GALNTL6: variants seen among roughly 807,000 people sequenced by gnomAD.
GALNTL6 encodes the protein polypeptide N-acetylgalactosaminyltransferase-like 6.
GALNTL6 carries 46 observed loss-of-function variants against 73.7 expected under a neutral mutation model. The observed-to-expected ratio is 0.62, with a 90% CI of 0.49 to 0.80. The LOEUF (loss-of-function observed/expected upper bound fraction) is 0.80. GALNTL6 is among the 30% of genes least tolerant of loss of function. The pLI is 0.00. For synonymous variants in GALNTL6, 259 were observed against 263.7 expected, an observed-to-expected ratio of 0.98 and a Z score of 0.17; for missense variants, 604 against 755.0, an observed-to-expected ratio of 0.80 and a Z score of 2.34.
In GALNTL6 at chr4:172,230,579, C is replaced by CA. The variant is rs34311240; in HGVS notation, c.247+827dup. ...CGGGCGATAGAGTGAGACTCCGTTT[C>CA]AAAAAAAAAAAAGACAAAAAAGAAT... is the stretch of plus-strand genomic sequence containing the variant. On this transcript the variant is annotated intron_variant, in intron 3 of 12. Transcript: ENST00000506823. Among the ~76,000 whole-genome samples the CA allele has an allele frequency of 2.1e-3, 281 of 131,500 alleles. 1 individual carries two copies. Among genetic ancestry groups the CA allele is most frequent in the South Asian group, 5.8e-3 (24 of 4,116 alleles). The allele number at this position is 131,500 out of a possible 152,430, so 86.3% of individuals were successfully genotyped here.
chr4:172,356,894 C>T (rs1383741042), intron 5 of GALNTL6, among the ~76,000 whole-genome samples: 11 of 152,138 alleles, frequency 7.2e-5, no homozygotes, highest in Admixed American at 7.2e-4. Flanking sequence ...ATGTTTTATT[C>T]TGAGAAACTG....
chr4:172,324,493 A>C (rs1740877464), intron 4 of GALNTL6, among the ~76,000 whole-genome samples: 1 of 151,602 alleles, frequency 6.6e-6, no homozygotes, highest in Admixed American at 6.6e-5. Flanking sequence ...AAAATTTAAT[A>C]GTTCTCTTAG....
chr4:172,537,845 C>G (rs529593579), intron 5 of GALNTL6, among the ~76,000 whole-genome samples: 1 of 152,110 alleles, frequency 6.6e-6, no homozygotes, highest in Admixed American at 6.6e-5. Flanking sequence ...GACAACTACT[C>G]AGAAGTAATC....
At chr4:172,616,577 G>A (rs1157446284) in intron 5 of GALNTL6, among the ~76,000 whole-genome samples, 4 of 76,988 alleles carry the variant, frequency 5.2e-5, no homozygotes, top group Non-Finnish European at 7.6e-5. Context: ...TGTTGTTCTT[G>A]GGATTATATT....
At chr4:172,232,734 G>C (rs965240347) in intron 3 of GALNTL6, among the ~76,000 whole-genome samples, 1 of 152,010 alleles carries the variant, frequency 6.6e-6, no homozygotes, top group Non-Finnish European at 1.5e-5. Flanking sequence ...GTCTCTCACT[G>C]TCACTTAGAT....
chr4:172,967,033 G>A (rs373329205), intron 10 of GALNTL6, among the ~76,000 whole-genome samples: 1 of 152,210 alleles, frequency 6.6e-6, no homozygotes, highest in East Asian at 1.9e-4. Context: ...ATCGGCCTCC[G>A]TGGCTAAATT....
chr4:172,018,297 T>A (rs1387701888), intron 2 of GALNTL6, among the ~76,000 whole-genome samples: 1 of 152,090 alleles, frequency 6.6e-6, no homozygotes, highest in African/African-American at 2.4e-5. Context: ...TCTTTTGTGT[T>A]TGGCAACCAG....
intron 2 of GALNTL6, among the ~76,000 whole-genome samples, chr4:171,844,752 C>G (rs1367350828): frequency 6.6e-6 from 1 of 152,020 alleles, no homozygotes; most frequent in Non-Finnish European, 1.5e-5. Context: ...GAGAATTGCA[C>G]TTGGGGTAAT....
Position 171,814,453 on chromosome 4 carries a change from C to G in GALNTL6, c.-128C>G. The G allele has an allele frequency of 1.1e-6, 1 of 933,882 alleles. No homozygotes were observed. The highest frequency in any genetic ancestry group is 1.6e-6 in the Non-Finnish European group (1 of 614,220). The allele number at this position is 933,882 out of a possible 1,614,324, so 57.8% of individuals were successfully genotyped here. A position where few individuals can be genotyped will look rare whatever the true frequency, so the allele number is the denominator to read the frequency against. On this transcript the variant is annotated 5_prime_UTR_variant, in exon 2 of 13. Coordinates refer to ENST00000506823, the MANE Select transcript of GALNTL6 (RefSeq NM_001034845.3). ...GAATCCTGCAGATTGGTGCTGAGCA[C>G]GCAACAAAAGTTTGTAGCTTCTCAG...
intron 2 of GALNTL6, among the ~76,000 whole-genome samples, chr4:171,831,535 T>TAC: frequency 6.6e-6 from 1 of 152,002 alleles, no homozygotes; most frequent in Non-Finnish European, 1.5e-5. Context: ...CATTTCTATC[T>TAC]ACTTTTTACC....
intron 5 of GALNTL6, among the ~76,000 whole-genome samples, chr4:172,654,090 A>T (rs1402024445): frequency 6.6e-6 from 1 of 152,206 alleles, no homozygotes; most frequent in Admixed American, 6.5e-5. Flanking sequence ...TCTCATCATC[A>T]TTAAGCCATT....
chr4:172,158,296 A>G (rs1734346207), intron 2 of GALNTL6, among the ~76,000 whole-genome samples: 2 of 152,180 alleles, frequency 1.3e-5, no homozygotes, highest in African/African-American at 4.8e-5. Flanking sequence ...AATTTCTAAC[A>G]AAGATAAAAA....
chr4:171,887,452 A>G (rs1489660809), intron 2 of GALNTL6, among the ~76,000 whole-genome samples: 1 of 152,232 alleles, frequency 6.6e-6, no homozygotes, highest in Non-Finnish European at 1.5e-5. Context: ...TATAGAATAA[A>G]AAGGAGAACT....
chr4:172,156,571 A>ATATAGT (rs751638637), intron 2 of GALNTL6, among the ~76,000 whole-genome samples: 5 of 70,958 alleles, frequency 7.0e-5, no homozygotes, highest in South Asian at 3.4e-4. Flanking sequence ...ATATATACAT[A>ATATAGT]CTATATATAT....
chr4:172,396,398 A>G (rs368830254), intron 5 of GALNTL6, among the ~76,000 whole-genome samples: 4 of 151,788 alleles, frequency 2.6e-5, no homozygotes, highest in Admixed American at 6.6e-5. Flanking sequence ...GGACATTTAA[A>G]GTGAGATCTA....
intron 3 of GALNTL6, among the ~76,000 whole-genome samples, chr4:172,264,182 A>G (rs922578690): frequency 9.9e-5 from 15 of 151,606 alleles, no homozygotes; most frequent in Non-Finnish European, 1.8e-4. Flanking sequence ...AATATCCAAG[A>G]ATAAGACCAA....
intron 2 of GALNTL6, among the ~76,000 whole-genome samples, chr4:171,893,263 C>G (rs1268686591): frequency 6.6e-6 from 1 of 152,188 alleles, no homozygotes; most frequent in Non-Finnish European, 1.5e-5. Flanking sequence ...CTCCTTCTGA[C>G]TTATAACATA....
chr4:172,494,259 T>C (rs947361482), intron 5 of GALNTL6, among the ~76,000 whole-genome samples: 3 of 152,188 alleles, frequency 2.0e-5, no homozygotes, highest in Admixed American at 6.6e-5. Flanking sequence ...CATGAAGATA[T>C]TGTCAGCCTT....
chr4:172,558,436 C>T (rs1302135964), intron 5 of GALNTL6, among the ~76,000 whole-genome samples: 1 of 152,066 alleles, frequency 6.6e-6, no homozygotes, highest in African/African-American at 2.4e-5. Flanking sequence ...AAAGTGAGCT[C>T]TTAGTCCAAT....
Sources: gnomAD v4.1 joint callset for allele counts (sites outside exome capture counted in the v4.1 genomes callset) on GRCh38, gnomAD v4.1.1 for gene constraint, MANE v1.5 for transcripts, NCBI Gene and HGNC (gene_info 2026-07-23, HGNC 2026-07-21) for gene names.